SLC71A1: variants seen among roughly 807,000 people sequenced by gnomAD.
SLC71A1 encodes hippocampus abundant gene transcript 1.
chr1:100,072,947 C>T, the SLC71A1 span, among the ~76,000 whole-genome samples: 16 of 152,268 alleles, frequency 1.1e-4, no homozygotes, highest in Admixed American at 9.8e-4. Context: ...CCCTGAGCTC[C>T]TATATGACAC....
At chr1:100,064,829 TC>T in the SLC71A1 span, among the ~76,000 whole-genome samples, 1 of 151,588 alleles carries the variant, frequency 6.6e-6, no homozygotes, top group Non-Finnish European at 1.5e-5. Flanking sequence ...GCTCAAGCGA[TC>T]CTTCTGCCTC....
chr1:100,060,813 T>C, the SLC71A1 span, among the ~76,000 whole-genome samples: 1 of 152,062 alleles, frequency 6.6e-6, no homozygotes, highest in Admixed American at 6.6e-5. Flanking sequence ...ATAATTGTCC[T>C]AAAGTCAGAG....
the SLC71A1 span, among the ~76,000 whole-genome samples, chr1:100,038,969 T>G: frequency 6.6e-6 from 1 of 152,190 alleles, no homozygotes; most frequent in Non-Finnish European, 1.5e-5. Flanking sequence ...CAAAGAAAAG[T>G]CATCACTGTG....
the SLC71A1 span, among the ~76,000 whole-genome samples, chr1:100,053,288 T>C: frequency 3.3e-5 from 5 of 152,176 alleles, no homozygotes; most frequent in African/African-American, 1.2e-4. Context: ...CTCCCCAGCA[T>C]TGTGTGTGAG....
chr1:100,040,281 G>C, the SLC71A1 span, among the ~76,000 whole-genome samples: 443 of 151,748 alleles, frequency 2.9e-3, 3 homozygotes, highest in African/African-American at 0.01. Context: ...ATTCTTATAC[G>C]TAATCAGAGG....
At chr1:100,061,386 T>C in the SLC71A1 span, among the ~76,000 whole-genome samples, 1 of 152,214 alleles carries the variant, frequency 6.6e-6, no homozygotes, top group Non-Finnish European at 1.5e-5. Flanking sequence ...AGATAACTTA[T>C]GGAAAACATT....
the SLC71A1 span, among the ~76,000 whole-genome samples, chr1:100,040,697 T>A: frequency 6.6e-6 from 1 of 152,204 alleles, no homozygotes; most frequent in African/African-American, 2.4e-5. Flanking sequence ...CCTGACCTCA[T>A]GATTCACCCA....
the SLC71A1 span, among the ~76,000 whole-genome samples, chr1:100,075,170 C>A: frequency 5.3e-5 from 8 of 152,232 alleles, no homozygotes; most frequent in African/African-American, 1.9e-4. Context: ...CCTGAAAGAA[C>A]ACGTGCTCCA....
the SLC71A1 span, chr1:100,079,293 A>C: frequency 6.6e-6 from 1 of 152,110 alleles, no homozygotes; most frequent in Non-Finnish European, 1.5e-5. Context: ...AAAAAAAAAA[A>C]AGAAATCATA....
the SLC71A1 span, chr1:100,062,257 TA>T: frequency 4.5e-5 from 10 of 222,668 alleles, no homozygotes; most frequent in South Asian, 1.1e-4. Flanking sequence ...TGTCAAGAGT[TA>T]AAAAAAATCA....
At chr1:100,051,278 C>G in the SLC71A1 span, among the ~76,000 whole-genome samples, 1 of 151,960 alleles carries the variant, frequency 6.6e-6, no homozygotes, top group Non-Finnish European at 1.5e-5. Context: ...GTAATCCCAG[C>G]TACTTGGGAG....
the SLC71A1 span, among the ~76,000 whole-genome samples, chr1:100,069,302 C>T: frequency 1.3e-4 from 20 of 152,276 alleles, no homozygotes; most frequent in African/African-American, 2.6e-4. Flanking sequence ...TCTCACTAGA[C>T]GGAGATCAAG....
the SLC71A1 span, among the ~76,000 whole-genome samples, chr1:100,059,547 T>TTATA: frequency 6.7e-5 from 10 of 150,106 alleles, no homozygotes; most frequent in African/African-American, 2.4e-4. Context: ...GTTTTATGTT[T>TTATA]TATATATATA....
the SLC71A1 span, chr1:100,043,344 A>G: frequency 3.9e-6 from 1 of 259,186 alleles, no homozygotes; most frequent in African/African-American, 2.3e-5. Flanking sequence ...AGTTTCAGCC[A>G]GGGTACATCA....
the SLC71A1 span, among the ~76,000 whole-genome samples, chr1:100,040,433 A>G: frequency 9.9e-5 from 15 of 152,266 alleles, no homozygotes; most frequent in Admixed American, 2.0e-4. Context: ...TCTACTTACA[A>G]TAGTTCAGAC....
At chr1:100,038,591 C>T in the SLC71A1 span, among the ~76,000 whole-genome samples, 30 of 152,260 alleles carry the variant, frequency 2.0e-4, 1 homozygote, top group African/African-American at 7.2e-4. Flanking sequence ...CGGCCTCGAA[C>T]CCCACGTGCG....
the SLC71A1 span, among the ~76,000 whole-genome samples, chr1:100,044,422 C>G: frequency 2.7e-5 from 4 of 149,684 alleles, no homozygotes; most frequent in African/African-American, 9.8e-5. Context: ...GATTTGAGTT[C>G]CTTGTAGATT....
At chr1:100,052,096 A>G in the SLC71A1 span, among the ~76,000 whole-genome samples, 1 of 152,170 alleles carries the variant, frequency 6.6e-6, no homozygotes, top group Non-Finnish European at 1.5e-5. Context: ...GTTTGTACCC[A>G]TGTTTTAGAT....
the SLC71A1 span, among the ~76,000 whole-genome samples, chr1:100,041,831 C>T: frequency 6.6e-6 from 1 of 151,182 alleles, no homozygotes; most frequent in Non-Finnish European, 1.5e-5. Context: ...GGCCGAGGCA[C>T]GAGAATCACT....
Sources: allele counts gnomAD v4.1 joint callset (sites outside exome capture counted in the v4.1 genomes callset), GRCh38; gene constraint gnomAD v4.1.1; transcripts MANE v1.5; gene names NCBI Gene and HGNC (gene_info 2026-07-23, HGNC 2026-07-21).